Variants in AFAP1 observed in about 807,000 individuals in gnomAD.
AFAP1 encodes actin filament associated protein 1, also known as actin filament-associated protein 1.
AFAP1 carries 75 observed loss-of-function variants against 93.9 expected under a neutral mutation model. The observed-to-expected ratio is 0.80, with a 90% CI of 0.66 to 0.97. The LOEUF is 0.97. AFAP1 is among the 50% of genes least tolerant of loss of function. The probability of loss-of-function intolerance (pLI) is 0.00; values close to 1 mark genes in which losing one functional copy is unlikely to be tolerated. For synonymous variants in AFAP1, 517 were observed against 430.7 expected, an observed-to-expected ratio of 1.20 and a Z score of -2.48; for missense variants, 1,201 against 1,050.8, an observed-to-expected ratio of 1.14 and a Z score of -1.98.
In AFAP1 at chr4:7,907,468, C is replaced by T. The variant is rs115587099; in HGVS notation, c.-3+32188G>A. On this transcript the variant is annotated intron_variant, in intron 1 of 17. Transcript: ENST00000420658. The stretch of plus-strand genomic sequence containing the variant: ...ATGGCCCAACCCCTTCTTTGACAAC[C>T]GAGGGATCTAAAGCTGAGATTATGG... 1.8e-3 allele frequency among the ~76,000 whole-genome samples: 280 copies of T among 152,250 alleles called. 2 individuals are homozygous for T. Among genetic ancestry groups the T allele is most frequent in the African/African-American group, 5.4e-3 (226 of 41,546 alleles).
At chr4:7,855,886 C>T (rs1714996679) in intron 3 of AFAP1, among the ~76,000 whole-genome samples, 1 of 152,218 alleles carries the variant, frequency 6.6e-6, no homozygotes, top group African/African-American at 2.4e-5. Context: ...CAGGACTGGG[C>T]CTGTTCAGAT....
chr4:7,806,806 T>C (rs1400496941), intron 9 of AFAP1, among the ~76,000 whole-genome samples: 2 of 152,212 alleles, frequency 1.3e-5, no homozygotes, highest in Non-Finnish European at 2.9e-5. Flanking sequence ...TTGATAGGAA[T>C]CCATGTGTCT....
intron 14 of AFAP1, 71 bp from the exon 15 acceptor site, chr4:7,774,974 T>C: frequency 6.5e-7 from 1 of 1,548,644 alleles, no homozygotes; most frequent in East Asian, 2.3e-5. Flanking sequence ...CGATCCCTTC[T>C]CCACAAAAAA....
chr4:7,883,392 T>A (rs1187396198), intron 1 of AFAP1, among the ~76,000 whole-genome samples: 2 of 152,094 alleles, frequency 1.3e-5, no homozygotes, highest in African/African-American at 2.4e-5. Context: ...ATAAAATACA[T>A]GTACTAAGAT....
At chr4:7,848,779 T>A (rs898349760) in intron 4 of AFAP1, among the ~76,000 whole-genome samples, 1 of 152,106 alleles carries the variant, frequency 6.6e-6, no homozygotes, top group Admixed American at 6.5e-5. Flanking sequence ...ACACCTCAAA[T>A]TCACCACCAC....
intron 7 of AFAP1, among the ~76,000 whole-genome samples, chr4:7,818,455 TCCCAGGGACACAAGC>T (rs1422016612): frequency 6.6e-6 from 1 of 152,082 alleles, no homozygotes. Flanking sequence ...GCTCAGAAAG[TCCCAGGGACACAAGC>T]TGCCAACAGA....
At chr4:7,871,881 G>T in intron 2 of AFAP1, 71 bp downstream of exon 2, 2 of 1,532,804 alleles carry the variant, frequency 1.3e-6, no homozygotes, top group South Asian at 1.2e-5. Context: ...TTAGAAAGGT[G>T]GTAAAATTAA....
chr4:7,814,693 G>A (rs1478243210), intron 8 of AFAP1, among the ~76,000 whole-genome samples: 1 of 152,180 alleles, frequency 6.6e-6, no homozygotes, highest in African/African-American at 2.4e-5. Flanking sequence ...ATGCTTCCAC[G>A]TTATGACATT....
At chr4:7,780,055 G>A (rs1437282014) in intron 13 of AFAP1, among the ~76,000 whole-genome samples, 1 of 152,218 alleles carries the variant, frequency 6.6e-6, no homozygotes, top group African/African-American at 2.4e-5. Flanking sequence ...CTGTGTGGCA[G>A]GGTTTTACCT....
rs758669609 is a variant in AFAP1 at position 7,772,871 on chromosome 4, T to A, written c.2202A>T (p.Gly734=). Residue 734 remains glycine, a synonymous_variant, in exon 16 of 18, where the codon GGA becomes GGT. Transcript: ENST00000420658. ...GCTCGATGGCCAGCCCCAGGGTGAC[T>A]CCGCCCGCCAGCGCTTTCTTCAGGC... ...KESLKKALAG[G]VTLGLAIEPK... 8 of 1,613,152 alleles carry A rather than the reference T, an allele frequency of 5.0e-6. No individual in the cohort carries two copies. In the East Asian group the frequency reaches 1.8e-4, roughly 36 times the overall value.
chr4:7,929,937 C>A (rs1046059701), intron 1 of AFAP1, among the ~76,000 whole-genome samples: 1 of 152,188 alleles, frequency 6.6e-6, no homozygotes. Flanking sequence ...CCTAGACACA[C>A]CAAAAATCCT....
chr4:7,836,538 C>T (rs2149102597), intron 6 of AFAP1, among the ~76,000 whole-genome samples: 1 of 152,326 alleles, frequency 6.6e-6, no homozygotes, highest in South Asian at 2.1e-4. Flanking sequence ...CCTCAACCTC[C>T]CAGGCTCAGG....
At chr4:7,798,049 A>T (rs1478175206) in intron 10 of AFAP1, among the ~76,000 whole-genome samples, 2 of 152,234 alleles carry the variant, frequency 1.3e-5, no homozygotes, top group Non-Finnish European at 2.9e-5. Flanking sequence ...AGTTAAAATA[A>T]AAGGATCTTG....
chr4:7,837,662 G>A (rs979144854), intron 6 of AFAP1, among the ~76,000 whole-genome samples: 2 of 152,146 alleles, frequency 1.3e-5, no homozygotes, highest in Non-Finnish European at 2.9e-5. Flanking sequence ...ATTAGAAGCA[G>A]CCAAAGACAG....
chr4:7,886,431 T>G (rs1718146092), intron 1 of AFAP1, among the ~76,000 whole-genome samples: 1 of 152,212 alleles, frequency 6.6e-6, no homozygotes, highest in African/African-American at 2.4e-5. Context: ...ACTCTGAAAG[T>G]GGGATCTTTA....
intron 16 of AFAP1, among the ~76,000 whole-genome samples, chr4:7,770,467 C>CACTGCAAGCAT (rs1243966698): frequency 6.6e-6 from 1 of 152,166 alleles, no homozygotes; most frequent in Admixed American, 6.5e-5. Context: ...GGGCAGAGGA[C>CACTGCAAGCAT]ACTGCAAGCA....
In AFAP1 at chr4:7,938,545, C is replaced by G. The variant is rs371691535; in HGVS notation, c.-3+1111G>C. Among the ~76,000 whole-genome samples the G allele has an allele frequency of 1.1e-4, 16 of 152,248 alleles. No homozygotes were observed. In the South Asian group the frequency reaches 2.9e-3, roughly 28 times the overall value. ...CTTCCCATCAAGCTGAGGTCGGAGT[C>G]TCCCCACCCACGGACCTCACCCTCG... On this transcript the variant is annotated intron_variant, in intron 1 of 17. Coordinates refer to ENST00000420658, the MANE Select transcript of AFAP1 (RefSeq NM_001134647.2).
At chr4:7,904,492 T>C (rs1719288388) in intron 1 of AFAP1, among the ~76,000 whole-genome samples, 1 of 152,206 alleles carries the variant, frequency 6.6e-6, no homozygotes, top group Admixed American at 6.5e-5. Flanking sequence ...ACATTTAGTG[T>C]GCACTCACGA....
intron 5 of AFAP1, among the ~76,000 whole-genome samples, chr4:7,840,151 G>A (rs538339892): frequency 1.3e-5 from 2 of 152,252 alleles, no homozygotes; most frequent in South Asian, 4.1e-4. Context: ...CCCCAATTGT[G>A]CACGTGCAGA....
Sources: gnomAD v4.1 joint callset for allele counts (sites outside exome capture counted in the v4.1 genomes callset) on GRCh38, gnomAD v4.1.1 for gene constraint, MANE v1.5 for transcripts, NCBI Gene and HGNC (gene_info 2026-07-23, HGNC 2026-07-21) for gene names.